MUC4: variants seen among roughly 807,000 people sequenced by gnomAD.
MUC4 encodes the protein mucin 4, cell surface associated.
MUC4 carries 202 observed loss-of-function variants against 257.9 expected under a neutral mutation model. The ratio of observed to expected loss-of-function variants is 0.78; its 90% CI spans 0.70 to 0.88. MUC4 has a LOEUF of 0.88. MUC4 is among the 40% of genes least tolerant of loss of function. The pLI is 0.00. For synonymous variants in MUC4, 2,351 were observed against 2,757.1 expected (o/e 0.85, Z 4.62); for missense variants, 5,976 against 6,513.7 (o/e 0.92, Z 2.84).
intron 1 of MUC4, among the ~76,000 whole-genome samples, chr3:195,798,567 G>A (rs1221988569): frequency 6.6e-6 from 1 of 152,020 alleles, no homozygotes; most frequent in Non-Finnish European, 1.5e-5. Context: ...AGCCGGGCGT[G>A]GTGGCGGGCG....
chr3:195,772,289 C>G (rs1378163191), intron 4 of MUC4, among the ~76,000 whole-genome samples: 1 of 151,478 alleles, frequency 6.6e-6, no homozygotes, highest in Non-Finnish European at 1.5e-5. Flanking sequence ...GACACCCCAT[C>G]TCCATCACTT....
chr3:195,790,201 T>A lies in MUC4; in HGVS notation c.1379A>T (p.Glu460Val), dbSNP rs200226891. Residue 460 changes from glutamate to valine, a missense_variant, in exon 2 of 25, where the codon GAG becomes GTG. Physicochemically the swap from Glu to Val is moderately radical, Grantham distance 121. This residue lies in a region of MUC4 where 1,583 missense variants were observed against 1,257.4 expected (regional missense o/e 1.26). Coordinates refer to ENST00000463781, the MANE Select transcript of MUC4 (RefSeq NM_018406.7). The part of the protein sequence containing the change: ...AFHTQQSEGA[E>V]TTGRPHERSS... Reference sequence around the variant, plus strand: ...CCTCTCATGAGGCCGTCCTGTGGTCTCTGCACCTTCACTCTGCTGGGTGTG... The same window carrying A: ...CCTCTCATGAGGCCGTCCTGTGGTCACTGCACCTTCACTCTGCTGGGTGTG... 1.5e-4 allele frequency: 250 copies of A among 1,613,924 alleles called. 1 individual carries two copies. The highest frequency in any genetic ancestry group is 1.9e-4 in the Non-Finnish European group (221 of 1,179,898).
At chr3:195,803,305 A>G (rs960654687) in intron 1 of MUC4, among the ~76,000 whole-genome samples, 12 of 152,258 alleles carry the variant, frequency 7.9e-5, no homozygotes, top group Non-Finnish European at 1.8e-4. Flanking sequence ...TTCCTTATCA[A>G]GGCTTTCCCC....
In MUC4 at chr3:195,781,051, G is replaced by C; in HGVS notation, c.10529C>G (p.Ala3510Gly). ...GDTSTLPVTG[A>G]SSASTGHATP... is the part of the protein sequence containing the mutation. ...GGCGTGACCGGTGGATGCTGAGGAA[G>C]CGCCGGTGACAGGAAGAGTGCTGGT... The change falls in exon 2 of 25, where the codon GCT becomes GGT. Residue 3510 changes from alanine (A) to glycine (G), a missense_variant. Transcript: ENST00000463781. The C allele has an allele frequency of 6.7e-7, 1 of 1,502,332 alleles. No homozygotes were observed. Among genetic ancestry groups the C allele is most frequent in the Non-Finnish European group, 9.0e-7 (1 of 1,115,820 alleles). The allele number at this position is 1,502,332 out of a possible 1,614,324, so 93.1% of individuals were successfully genotyped here.
chr3:195,759,077 TC>T, intron 17 of MUC4, 46 bp downstream of exon 17: 1 of 1,605,610 alleles, frequency 6.2e-7, no homozygotes. Flanking sequence ...TCTGACCTCA[TC>T]CCCTACCCAC....
chr3:195,808,854 G>T (rs1202628541), intron 1 of MUC4, among the ~76,000 whole-genome samples: 1 of 152,172 alleles, frequency 6.6e-6, no homozygotes, highest in Non-Finnish European at 1.5e-5. Flanking sequence ...TGTCCTCGGT[G>T]GCAAGTTGAG....
intron 1 of MUC4, among the ~76,000 whole-genome samples, chr3:195,811,334 C>T (rs928456583): frequency 4.0e-5 from 6 of 151,860 alleles, no homozygotes; most frequent in Non-Finnish European, 5.9e-5. Flanking sequence ...CCACCACGAC[C>T]GGCTAATTTT....
At chr3:195,747,449 C>T in intron 24 of MUC4, 69 bp from the exon 25 acceptor site, 1 of 1,529,946 alleles carries the variant, frequency 6.5e-7, no homozygotes, top group Non-Finnish European at 9.0e-7. Flanking sequence ...TCCTCTTCTG[C>T]TGGGGAAGAA....
chr3:195,767,889 C>CACCACCATCACCACCATCAT, intron 7 of MUC4, among the ~76,000 whole-genome samples: 1 of 142,118 alleles, frequency 7.0e-6, no homozygotes, highest in Admixed American at 6.7e-5. Flanking sequence ...ACCACCATCA[C>CACCACCATCACCACCATCAT]CACCACCATC....
intron 3 of MUC4, among the ~76,000 whole-genome samples, chr3:195,774,854 C>G (rs1460290985): frequency 1.3e-5 from 2 of 149,618 alleles, no homozygotes; most frequent in African/African-American, 5.0e-5. Flanking sequence ...GAGCTGAGAT[C>G]GCGCCACTGC....
intron 1 of MUC4, among the ~76,000 whole-genome samples, chr3:195,794,470 C>T (rs1382313220): frequency 2.0e-5 from 3 of 152,020 alleles, no homozygotes; most frequent in African/African-American, 7.3e-5. Context: ...TGAAGTTCAG[C>T]GGTGTAATTG....
intron 13 of MUC4, 104 bp from the exon 14 acceptor site, chr3:195,762,358 C>T (rs931951218): frequency 8.9e-5 from 115 of 1,293,946 alleles, no homozygotes; most frequent in Non-Finnish European, 1.1e-4. Context: ...GCCCCTGGGG[C>T]TGAAGCCGGG....
intron 19 of MUC4, chr3:195,753,562 C>T: frequency 2.4e-6 from 1 of 414,370 alleles, no homozygotes; most frequent in Non-Finnish European, 4.3e-6. Flanking sequence ...CCTTTTCTGC[C>T]TTTATAAAAG....
intron 1 of MUC4, among the ~76,000 whole-genome samples, chr3:195,799,798 T>C (rs910198723): frequency 2.8e-4 from 43 of 152,208 alleles, no homozygotes; most frequent in African/African-American, 1.0e-3. Context: ...GTTTATGCCG[T>C]TATAAAATTT....
chr3:195,760,081 A>G (rs752069968), intron 16 of MUC4, among the ~76,000 whole-genome samples: 10 of 152,186 alleles, frequency 6.6e-5, no homozygotes, highest in Non-Finnish European at 1.0e-4. Flanking sequence ...TCAGTCATTT[A>G]ACAAACATTT....
At position 195,789,844 on chromosome 3, in the gene MUC4, A is replaced by G; in HGVS notation, c.1736T>C (p.Leu579Pro). The change falls in exon 2 of 25, where the codon CTC becomes CCC. Residue 579 changes from leucine to proline, a missense_variant. This residue lies in a region of MUC4 where 1,583 missense variants were observed against 1,257.4 expected (regional missense o/e 1.26). Transcript: ENST00000463781. ...QETGTTGEAL[L>P]SSPSYSVTQM... ...AGTCACACTGTAGCTTGGGCTGCTGAGAAGAGCCTCTCCAGTGGTCCCCGT... is the reference window on the plus strand; with the variant it reads ...AGTCACACTGTAGCTTGGGCTGCTGGGAAGAGCCTCTCCAGTGGTCCCCGT... The G allele has an allele frequency of 1.2e-6, 2 of 1,613,966 alleles. No homozygotes were observed. Among genetic ancestry groups the G allele is most frequent in the Non-Finnish European group, 1.7e-6 (2 of 1,179,878 alleles).
Position 195,767,884 on chromosome 3 carries a change from C to A in MUC4, c.13530-1133G>T, listed in dbSNP as rs1721814621. On this transcript the variant is annotated intron_variant, in intron 7 of 24. Coordinates refer to ENST00000463781, the MANE Select transcript of MUC4 (RefSeq NM_018406.7). Reference sequence around the variant, plus strand: ...CCCCCAACACCACCACCATCACCACCATCACCACCACCATCACCACCATCA... The same window carrying A: ...CCCCCAACACCACCACCATCACCACAATCACCACCACCATCACCACCATCA... Among the ~76,000 whole-genome samples, 2 of 144,300 alleles carry A rather than the reference C, an allele frequency of 1.4e-5. 1 individual carries two copies. Among genetic ancestry groups the A allele is most frequent in the Non-Finnish European group, 3.0e-5 (2 of 67,390 alleles). 94.7% of individuals were successfully genotyped at this position (144,300 alleles called of 152,430 possible).
At chr3:195,801,028 G>A (rs1288985993) in intron 1 of MUC4, among the ~76,000 whole-genome samples, 2 of 152,138 alleles carry the variant, frequency 1.3e-5, no homozygotes, top group Admixed American at 6.6e-5. Flanking sequence ...TAAAATGATA[G>A]TATCCACTCT....
At chr3:195,775,095 G>A (rs974808781) in intron 3 of MUC4, among the ~76,000 whole-genome samples, 1 of 151,888 alleles carries the variant, frequency 6.6e-6, no homozygotes, top group Non-Finnish European at 1.5e-5. Flanking sequence ...AATATTTCTC[G>A]CAGCTGCCGA....
Sources: allele counts gnomAD v4.1 joint callset (sites outside exome capture counted in the v4.1 genomes callset), GRCh38; gene constraint gnomAD v4.1.1; regional missense constraint gnomAD v4.1.1; transcripts MANE v1.5; gene names NCBI Gene and HGNC (gene_info 2026-07-23, HGNC 2026-07-21).